SPATA17: variants seen among roughly 807,000 people sequenced by gnomAD.
The protein encoded by SPATA17 is spermatogenesis associated 17.
Under a neutral mutation model 62.2 loss-of-function variants are expected in SPATA17, and 53 were observed. The ratio of observed to expected loss-of-function variants is 0.85; its 90% CI spans 0.68 to 1.07. The LOEUF (loss-of-function observed/expected upper bound fraction) is 1.07. Ranked by LOEUF, SPATA17 falls within the 50% of genes least tolerant of loss-of-function variation. The pLI, the probability that SPATA17 is intolerant of heterozygous loss-of-function variation, is 0.00. For missense variants in SPATA17, 466 were observed against 425.5 expected, an observed-to-expected ratio of 1.10 and a Z score of -0.84; for synonymous variants, 146 against 146.8, an observed-to-expected ratio of 0.99 and a Z score of 0.04.
At position 217,774,480 on chromosome 1, in the gene SPATA17, C is replaced by A; in HGVS notation, c.666C>A (p.Ser222Arg). 1 of 1,614,072 alleles carries A rather than the reference C, an allele frequency of 6.2e-7. No homozygotes were observed. Among genetic ancestry groups the A allele is most frequent in the Non-Finnish European group, 8.5e-7 (1 of 1,179,980 alleles). Residue 222 changes from serine (S) to arginine (R), a missense_variant, in exon 7 of 11, where the codon AGC becomes AGA. Ser to Arg is a moderately radical substitution (Grantham distance 110, BLOSUM62 -1). Transcript: ENST00000366933. ...TTACTGATTGGCTAGCTTGTACAAGCGCCCGTTCTTTTCCTCGGTCTGAAA... is the reference window on the plus strand; with the variant it reads ...TTACTGATTGGCTAGCTTGTACAAGAGCCCGTTCTTTTCCTCGGTCTGAAA... Reference protein sequence around the residue: ...TSLTDWLACTSARSFPRSEIL... With the variant: ...TSLTDWLACTRARSFPRSEIL...
intron 9 of SPATA17, among the ~76,000 whole-genome samples, chr1:217,828,119 T>C (rs185995571): frequency 6.6e-6 from 1 of 152,214 alleles, no homozygotes; most frequent in East Asian, 1.9e-4. Flanking sequence ...AACCTGAATA[T>C]TCAAGGCAGT....
chr1:217,838,810 A>C (rs971447341), intron 9 of SPATA17, among the ~76,000 whole-genome samples: 13 of 152,118 alleles, frequency 8.5e-5, no homozygotes, highest in African/African-American at 2.7e-4. Flanking sequence ...AAATTGAAGT[A>C]GCTTTCTAGG....
chr1:217,748,618 G>A (rs967916251), intron 6 of SPATA17, among the ~76,000 whole-genome samples: 2 of 151,036 alleles, frequency 1.3e-5, no homozygotes, highest in Non-Finnish European at 3.0e-5. Flanking sequence ...GGTGGCGGGC[G>A]CCTGTAATCC....
intron 1 of SPATA17, among the ~76,000 whole-genome samples, chr1:217,639,264 C>T (rs928207305): frequency 2.6e-5 from 4 of 152,054 alleles, no homozygotes; most frequent in African/African-American, 9.7e-5. Flanking sequence ...CTGCTCAACA[C>T]AGGAACCCAA....
intron 9 of SPATA17, among the ~76,000 whole-genome samples, chr1:217,859,136 T>A (rs1284986642): frequency 8.5e-6 from 1 of 117,480 alleles, no homozygotes; most frequent in Non-Finnish European, 1.9e-5. Flanking sequence ...TTATATATAA[T>A]TAAAACATAA....
At chr1:217,837,712 T>A (rs1571836314) in intron 9 of SPATA17, among the ~76,000 whole-genome samples, 1 of 152,286 alleles carries the variant, frequency 6.6e-6, no homozygotes, top group East Asian at 1.9e-4. Flanking sequence ...GTTTATTTCT[T>A]AAGTCTTACA....
At chr1:217,788,675 C>G (rs1657627388) in intron 8 of SPATA17, among the ~76,000 whole-genome samples, 1 of 152,104 alleles carries the variant, frequency 6.6e-6, no homozygotes, top group South Asian at 2.1e-4. Context: ...GGAATGTAGG[C>G]TGCCTCTAGA....
At chr1:217,681,644 G>A (rs1232549858) in intron 4 of SPATA17, among the ~76,000 whole-genome samples, 13 of 151,996 alleles carry the variant, frequency 8.6e-5, no homozygotes, top group Non-Finnish European at 1.3e-4. Context: ...TGATCTTCCC[G>A]CCTTGGCCTC....
At chr1:217,641,072 A>C (rs1357086390) in intron 1 of SPATA17, among the ~76,000 whole-genome samples, 6 of 152,116 alleles carry the variant, frequency 3.9e-5, no homozygotes, top group Non-Finnish European at 8.8e-5. Context: ...TAGGGCAAAA[A>C]TTTTGTTTCG....
At chr1:217,694,429 G>A (rs1305896147) in intron 5 of SPATA17, among the ~76,000 whole-genome samples, 1 of 144,352 alleles carries the variant, frequency 6.9e-6, no homozygotes, top group South Asian at 2.2e-4. Context: ...ACACTGATGG[G>A]TCTTGACTCT....
chr1:217,862,752 T>A, intron 9 of SPATA17, 22 bp from the exon 10 acceptor site: 1 of 1,521,218 alleles, frequency 6.6e-7, no homozygotes, highest in African/African-American at 1.4e-5. Context: ...TCTGTGGTAA[T>A]CTTTGAACTT....
chr1:217,704,399 C>T (rs1571744750), intron 5 of SPATA17, among the ~76,000 whole-genome samples: 4 of 150,532 alleles, frequency 2.7e-5, no homozygotes, highest in East Asian at 1.9e-4. Context: ...TACAGGCGCC[C>T]GCCACCGCGC....
chr1:217,849,978 G>C lies in SPATA17; in HGVS notation c.1006-12796G>C, dbSNP rs544655727. Among the ~76,000 whole-genome samples, 21 of 152,170 alleles carry C rather than the reference G, an allele frequency of 1.4e-4. 1 individual carries two copies. The highest frequency in any genetic ancestry group is 1.2e-3 in the Admixed American group (18 of 15,268). On this transcript the variant is annotated intron_variant, in intron 9 of 10. Transcript: ENST00000366933. ...CCTTGTAAGTCTAGTACCACTCCCTGTCTGTTTCCCAATATAAGTTATAAT... is the reference window on the plus strand; with the variant it reads ...CCTTGTAAGTCTAGTACCACTCCCTCTCTGTTTCCCAATATAAGTTATAAT...
chr1:217,750,832 G>A (rs539589972), intron 6 of SPATA17, among the ~76,000 whole-genome samples: 3 of 152,254 alleles, frequency 2.0e-5, no homozygotes, highest in South Asian at 2.1e-4. Flanking sequence ...TCTCTTAACC[G>A]ATTAAAGAAA....
chr1:217,727,265 T>TAAA (rs1672285235), intron 5 of SPATA17, among the ~76,000 whole-genome samples: 1 of 147,584 alleles, frequency 6.8e-6, no homozygotes, highest in Admixed American at 6.8e-5. Context: ...ATAATAATAA[T>TAAA]AATAATAATA....
intron 5 of SPATA17, among the ~76,000 whole-genome samples, chr1:217,694,346 T>C (rs1287650072): frequency 9.1e-5 from 13 of 143,246 alleles, no homozygotes; most frequent in Admixed American, 8.2e-4. Flanking sequence ...ATTGGCTTGG[T>C]AGATCTTCCT....
intron 6 of SPATA17, among the ~76,000 whole-genome samples, chr1:217,756,991 A>G (rs189438490): frequency 5.3e-5 from 8 of 152,352 alleles, no homozygotes; most frequent in Non-Finnish European, 1.2e-4. Flanking sequence ...CTTTTACTTA[A>G]TGAATACTCA....
At chr1:217,793,875 G>A (rs1674067450) in intron 8 of SPATA17, among the ~76,000 whole-genome samples, 1 of 152,010 alleles carries the variant, frequency 6.6e-6, no homozygotes, top group Non-Finnish European at 1.5e-5. Context: ...CAGCACTTTG[G>A]AAGGCCGCGG....
intron 5 of SPATA17, among the ~76,000 whole-genome samples, chr1:217,702,459 T>A (rs1671621037): frequency 6.6e-6 from 1 of 152,236 alleles, no homozygotes; most frequent in Non-Finnish European, 1.5e-5. Flanking sequence ...TTTAACATAC[T>A]GTATATTTAC....
Sources: gnomAD v4.1 joint callset for allele counts (sites outside exome capture counted in the v4.1 genomes callset) on GRCh38, gnomAD v4.1.1 for gene constraint, MANE v1.5 for transcripts, NCBI Gene and HGNC (gene_info 2026-07-23, HGNC 2026-07-21) for gene names.